Variants in MUC4 observed in about 807,000 individuals in gnomAD.
MUC4 encodes mucin-4.
A neutral mutation model predicts 257.9 loss-of-function variants in MUC4; 202 were observed. That is an observed-to-expected ratio of 0.78 (90% CI 0.70 to 0.88). MUC4 has a LOEUF of 0.88. MUC4 is among the 40% of genes least tolerant of loss of function. The probability of loss-of-function intolerance (pLI) is 0.00; values close to 1 mark genes in which losing one functional copy is unlikely to be tolerated. For synonymous variants in MUC4, 2,351 were observed against 2,757.1 expected (o/e 0.85, Z 4.62); for missense variants, 5,976 against 6,513.7 (o/e 0.92, Z 2.84).
rs761641085 is a variant in MUC4 at position 195,779,191 on chromosome 3, G to T, written c.12389C>A (p.Pro4130His). Residue 4130 changes from proline (P) to histidine (H), a missense_variant, in exon 2 of 25, where the codon CCT becomes CAT. Transcript: ENST00000463781. The part of the protein sequence containing the change: ...SASTGQATPL[P>H]VTSLSSVSTG... ...GGATACTGAGGAAAGGCTGGTGACA[G>T]GAAGAGGGGTGGCCTGACCTGTGGA... The T allele has an allele frequency of 4.4e-5, 61 of 1,376,728 alleles. 3 individuals carry two copies. The highest frequency in any genetic ancestry group is 4.4e-4 in the African/African-American group (22 of 49,916). The allele number at this position is 1,376,728 out of a possible 1,614,324, so 85.3% of individuals were successfully genotyped here.
chr3:195,771,952 C>T, intron 4 of MUC4, 136 bp from the exon 5 acceptor site: 1 of 915,858 alleles, frequency 1.1e-6, no homozygotes, highest in Non-Finnish European at 1.7e-6. Context: ...GAAGTCACCT[C>T]CTGTGTCCTG....
At position 195,790,958 on chromosome 3, in the gene MUC4, C is replaced by T; in HGVS notation, c.622G>A (p.Glu208Lys). Residue 208 changes from glutamate (E) to lysine (K), a missense_variant, in exon 2 of 25, where the codon GAA becomes AAA. Physicochemically the swap from Glu to Lys is moderately conservative, Grantham distance 56. Transcript: ENST00000463781. The part of the protein sequence containing the change: ...HWTRSTQTTR[E>K]SQTSTLTHRT... ...TGTGTTAGGGTGCTGGTTTGAGATTCCCTGGTGGTCTGCGTGCTCCGAGTC... is the reference window on the plus strand; with the variant it reads ...TGTGTTAGGGTGCTGGTTTGAGATTTCCTGGTGGTCTGCGTGCTCCGAGTC... The T allele has an allele frequency of 6.2e-7, 1 of 1,613,824 alleles. No homozygotes were observed. The highest frequency in any genetic ancestry group is 8.5e-7 in the Non-Finnish European group (1 of 1,179,858).
In MUC4 at chr3:195,782,147, CTGAGGAAGTG is replaced by C; in HGVS notation, c.9423_9432del (p.Ser3141ArgfsTer1115). The C allele has an allele frequency of 7.4e-7, 1 of 1,353,184 alleles. No individual in the cohort carries two copies. The highest frequency in any genetic ancestry group is 1.5e-5 in the South Asian group (1 of 67,442). 83.8% of individuals were successfully genotyped at this position (1,353,184 alleles called of 1,614,324 possible). A position where few individuals can be genotyped will look rare whatever the true frequency, so the allele number is the denominator to read the frequency against. ...AGAGGGGTGGTGTCACCTGTGGATGCTGAGGAAGTGCTGGTGACAGGAAGAGCGGTGGCCT... is the reference window on the plus strand; with the variant it reads ...AGAGGGGTGGTGTCACCTGTGGATGCCTGGTGACAGGAAGAGCGGTGGCCT... On this transcript the variant is annotated frameshift_variant, in exon 2 of 25. Transcript: ENST00000463781. LOFTEE classifies it high-confidence loss of function.
chr3:195,748,437 G>T (rs1171005984), intron 24 of MUC4, among the ~76,000 whole-genome samples: 1 of 152,226 alleles, frequency 6.6e-6, no homozygotes, highest in Non-Finnish European at 1.5e-5. Context: ...GGTGGTGCAT[G>T]CCTGTAGTCC....
intron 1 of MUC4, among the ~76,000 whole-genome samples, chr3:195,798,369 C>T (rs1734810292): frequency 6.6e-6 from 1 of 152,086 alleles, no homozygotes; most frequent in Non-Finnish European, 1.5e-5. Context: ...ATCTTGCTAC[C>T]AGACAATGCT....
In MUC4 at chr3:195,784,441, C is replaced by A. The variant is rs1180552940; in HGVS notation, c.7139G>T (p.Gly2380Val). Residue 2380 changes from glycine (G) to valine (V), a missense_variant, in exon 2 of 25, where the codon GGT becomes GTT. Gly to Val is a moderately radical substitution (Grantham distance 109). Around this residue, in one of 44 missense-constraint regions of MUC4, gnomAD observed 5 missense variants for 46.3 expected, o/e 0.11. Coordinates refer to ENST00000463781, the MANE Select transcript of MUC4 (RefSeq NM_018406.7). ...PVTSSSSASS[G>V]HTTPLPVTDA... ...GGTGACAGGAAGAGGGGTGGTGTGA[C>A]CTGAGGATGCTGAGGAAGAGCTGGT... 7.2e-7 allele frequency: 1 copy of A among 1,380,518 alleles called. No individual in the cohort carries two copies. Among genetic ancestry groups the A allele is most frequent in the Non-Finnish European group, 9.9e-7 (1 of 1,010,130 alleles). The allele number at this position is 1,380,518 out of a possible 1,614,324, so 85.5% of individuals were successfully genotyped here.
chr3:195,783,107 C>T lies in MUC4; in HGVS notation c.8473G>A (p.Val2825Met), dbSNP rs1160735445. 5.6e-5 allele frequency: 69 copies of T among 1,242,750 alleles called. No individual in the cohort carries two copies. Among genetic ancestry groups the T allele is most frequent in the African/African-American group, 7.1e-5 (4 of 56,362 alleles). The allele number at this position is 1,242,750 out of a possible 1,614,324, so 77.0% of individuals were successfully genotyped here. ...TSLPVTDASS[V>M]FTGHATSLPV... ...AGAGAGGTGGCATGACCTGTGAACA[C>T]TGAGGAAGCGTCGGTGACAGGAAGA... Residue 2825 changes from valine to methionine, a missense_variant, in exon 2 of 25, where the codon GTG becomes ATG. Coordinates refer to ENST00000463781, the MANE Select transcript of MUC4 (RefSeq NM_018406.7).
chr3:195,788,902 G>A lies in MUC4; in HGVS notation c.2678C>T (p.Ser893Phe). Residue 893 changes from serine (S) to phenylalanine (F), a missense_variant, in exon 2 of 25, where the codon TCT (serine) becomes TTT (phenylalanine). Transcript: ENST00000463781. ...GRPTGQSSPT[S>F]PSASPQETAA... ...TGTCTCCTGAGGAGAGGCACTGGGA[G>A]AAGTTGGGCTTGACTGTCCTGTCGG... The A allele has an allele frequency of 6.2e-7, 1 of 1,613,760 alleles. No individual in the cohort carries two copies. The highest frequency in any genetic ancestry group is 8.5e-7 in the Non-Finnish European group (1 of 1,179,782).
intron 4 of MUC4, among the ~76,000 whole-genome samples, chr3:195,772,025 G>A (rs1341514197): frequency 2.6e-5 from 4 of 152,284 alleles, no homozygotes; most frequent in East Asian, 1.9e-4. Context: ...CATCCCTTGC[G>A]TCCTCGGGTG....
At chr3:195,766,282 TC>T (rs1441665562) in intron 8 of MUC4, among the ~76,000 whole-genome samples, 1 of 152,120 alleles carries the variant, frequency 6.6e-6, no homozygotes, top group East Asian at 1.9e-4. Flanking sequence ...TTAAAGGATC[TC>T]ACCTGGGTTC....
intron 7 of MUC4, among the ~76,000 whole-genome samples, chr3:195,767,459 A>AC (rs1720825903): frequency 2.9e-5 from 2 of 68,662 alleles, no homozygotes; most frequent in East Asian, 8.5e-4. Flanking sequence ...ACCACCACCA[A>AC]CACTACCACC....
chr3:195,763,873 C>T (rs1719794648), intron 11 of MUC4, among the ~76,000 whole-genome samples, 172 bp downstream of exon 11: 1 of 152,188 alleles, frequency 6.6e-6, no homozygotes, highest in African/African-American at 2.4e-5. Context: ...CACTCCTTCC[C>T]CAACTCAGGT....
At position 195,774,269 on chromosome 3, in the gene MUC4, TCCC is replaced by T; in HGVS notation, c.12977_12979del (p.Gly4326del). 1.9e-6 allele frequency: 3 copies of T among 1,592,708 alleles called. No homozygotes were observed. Among genetic ancestry groups the T allele is most frequent in the Non-Finnish European group, 2.6e-6 (3 of 1,170,964 alleles). On this transcript the variant is annotated inframe_deletion, in exon 4 of 25. Coordinates refer to ENST00000463781, the MANE Select transcript of MUC4 (RefSeq NM_018406.7). ...CACGGTCCTCCTGACGAACTCCAGG[TCCC>T]CGGCGCCTGCCCCATAGGGGAAGAG...
Position 195,781,858 on chromosome 3 carries a change from G to T in MUC4, c.9722C>A (p.Ala3241Glu), listed in dbSNP as rs777375325. The T allele has an allele frequency of 1.1e-6, 1 of 949,952 alleles. No homozygotes were observed. The highest frequency in any genetic ancestry group is 8.3e-5 in the East Asian group (1 of 12,026). 58.8% of individuals were successfully genotyped at this position (949,952 alleles called of 1,614,324 possible). A position where few individuals can be genotyped will look rare whatever the true frequency, so the allele number is the denominator to read the frequency against. The change falls in exon 2 of 25, where the codon GCA (alanine) becomes GAA (glutamate). Residue 3241 changes from alanine to glutamate, a missense_variant. This residue lies in a region of MUC4 where 28 missense variants were observed against 79.1 expected (regional missense o/e 0.35). Coordinates refer to ENST00000463781, the MANE Select transcript of MUC4 (RefSeq NM_018406.7). ...TPLPVTSPSS[A>E]STGHATSLPV... is the part of the protein sequence containing the mutation. ...AAGAGAGGTGGCATGACCGGTGGAT[G>T]CTGAGGAAGGGCTAGTGACAGGAAG...
chr3:195,782,515 G>T lies in MUC4; in HGVS notation c.9065C>A (p.Ala3022Asp), dbSNP rs778159822. The change falls in exon 2 of 25, where the codon GCC becomes GAC. Residue 3022 changes from alanine to aspartate, a missense_variant. By Grantham distance (126) the Ala-to-Asp change is moderately radical. Around this residue, in one of 44 missense-constraint regions of MUC4, gnomAD observed 68 missense variants for 50.2 expected, o/e 1.35. Coordinates refer to ENST00000463781, the MANE Select transcript of MUC4 (RefSeq NM_018406.7). ...AGGGCTGGTGACATGAAGAGGGGTG[G>T]CGTGACCTGTGGATATTGAGGAAGT... ...TDTSSISTGH[A>D]TPLHVTSPSS... The T allele has an allele frequency of 2.8e-4, 384 of 1,384,516 alleles. No individual in the cohort carries two copies. Among genetic ancestry groups the T allele is most frequent in the Non-Finnish European group, 2.4e-5 (25 of 1,031,690 alleles). 85.8% of individuals were successfully genotyped at this position (1,384,516 alleles called of 1,614,324 possible).
At position 195,755,746 on chromosome 3, in the gene MUC4, C is replaced by G. The variant is rs148861195; in HGVS notation, c.15169-1374G>C. Among the ~76,000 whole-genome samples the G allele has an allele frequency of 1.4e-3, 209 of 152,288 alleles. No individual in the cohort carries two copies. Among genetic ancestry groups the G allele is most frequent in the African/African-American group, 4.6e-3 (191 of 41,556 alleles). ...TGGAATAGTATATTGATTTCAATCT[C>G]TTTTTCCCATTGTGTATTTTATGCT... On this transcript the variant is annotated intron_variant, in intron 18 of 24. Coordinates refer to ENST00000463781, the MANE Select transcript of MUC4 (RefSeq NM_018406.7). The surrounding 1 kb of genome is among the most constrained non-coding windows in gnomAD (Gnocchi z 5.0).
chr3:195,801,899 G>A (rs1266776620), intron 1 of MUC4, among the ~76,000 whole-genome samples: 1 of 151,098 alleles, frequency 6.6e-6, no homozygotes, highest in South Asian at 2.1e-4. Context: ...CTGCTCCACC[G>A]TCCACGCTCC....
rs769288659 is a variant in MUC4, at chr3:195,762,142, G to A, written c.14457C>T (p.Leu4819=). Residue 4819 remains leucine, a synonymous_variant, in exon 14 of 25, where the codon CTC becomes CTT. Transcript: ENST00000463781. ...CGGGCGGGAGGCTGGCGGAGGCGTG[G>A]AGGATGTTGGAGAGCGCGATCACCG... ...TVSVIALSNI[L]HASASLPPEY... 2.2e-5 allele frequency: 35 copies of A among 1,607,290 alleles called. No individual in the cohort carries two copies. In the South Asian group the frequency reaches 3.4e-4, roughly 16 times the overall value.
At chr3:195,803,438 A>G (rs1735599222) in intron 1 of MUC4, among the ~76,000 whole-genome samples, 1 of 152,264 alleles carries the variant, frequency 6.6e-6, no homozygotes, top group Admixed American at 6.5e-5. Flanking sequence ...TTAATATAAT[A>G]TAAACTCTCT....
Sources: gnomAD v4.1 joint callset for allele counts (sites outside exome capture counted in the v4.1 genomes callset) on GRCh38, gnomAD v4.1.1 for gene constraint, gnomAD v4.1.1 regional missense constraint, Gnocchi (gnomAD v3.1) non-coding constraint, MANE v1.5 for transcripts, NCBI Gene and HGNC (gene_info 2026-07-23, HGNC 2026-07-21) for gene names.